The following CHD9 variants were observed in gnomAD, a reference collection of about 807,000 sequenced individuals.
CHD9 encodes the protein chromodomain helicase DNA binding protein 9.
CHD9 carries 77 observed loss-of-function variants against 316.1 expected under a neutral mutation model. The observed-to-expected ratio is 0.24, with a 90% confidence interval of 0.20 to 0.29. The LOEUF is 0.29. Among genes scored for constraint, CHD9 ranks in the 10% least tolerant of loss-of-function variants. CHD9 has a pLI of 1.00. For missense variants in CHD9, 2,763 were observed against 3,438.1 expected (o/e 0.80, Z 4.91); for synonymous variants, 1,129 against 1,158.3 (o/e 0.97, Z 0.51).
chr16:53,117,280 T>A (rs752938635), intron 1 of CHD9, among the ~76,000 whole-genome samples: 1 of 152,126 alleles, frequency 6.6e-6, no homozygotes, highest in Non-Finnish European at 1.5e-5. Flanking sequence ...TATGACACCA[T>A]GATAAACAAT....
At position 53,228,995 on chromosome 16, in the gene CHD9, C is replaced by T. The variant is rs551126446; in HGVS notation, c.2181C>T (p.His727=). The T allele has an allele frequency of 4.5e-6, 7 of 1,553,618 alleles. No homozygotes were observed. The African/African-American group carries it at 6.8e-5, about 15-fold the overall frequency. The part of the protein sequence containing the change: ...FVKYKNYSYL[H]CEWATEEQLL... ...ATAAAAATTTTAGCTCCTATCTTCACTGTGAGTGGGCCACAGAAGAGCAGC... is the reference window on the plus strand; with the variant it reads ...ATAAAAATTTTAGCTCCTATCTTCATTGTGAGTGGGCCACAGAAGAGCAGC... The change falls in exon 8 of 39, where the codon CAC becomes CAT. Residue 727 remains histidine (H), a synonymous_variant. Coordinates refer to ENST00000447540, the MANE Select transcript of CHD9 (RefSeq NM_001308319.2).
At chr16:53,127,121 A>AT (rs1567348637) in intron 1 of CHD9, among the ~76,000 whole-genome samples, 1 of 151,564 alleles carries the variant, frequency 6.6e-6, no homozygotes, top group Non-Finnish European at 1.5e-5. Flanking sequence ...TGCCCAGCGA[A>AT]TTTTTCTCTT....
rs1042062826 is a variant in CHD9, at chr16:53,323,969, CTTTAT to C, written c.7819-42_7819-38del. Reference sequence around the variant, plus strand: ...TTATTTGTATGATAAGCTAATAACTCTTTATTTTATTTTCATGTAGGGATTATTAA... The same window carrying C: ...TTATTTGTATGATAAGCTAATAACTCTTTATTTTCATGTAGGGATTATTAA... On this transcript the variant is annotated intron_variant, in intron 38 of 38. Transcript: ENST00000447540. The C allele has an allele frequency of 6.0e-5, 86 of 1,440,620 alleles. 1 individual carries two copies. The Admixed American group carries it at 1.3e-3, about 21-fold the overall frequency. 89.2% of individuals were successfully genotyped at this position (1,440,620 alleles called of 1,614,324 possible). A position where few individuals can be genotyped will look rare whatever the true frequency, so the allele number is the denominator to read the frequency against.
intron 1 of CHD9, among the ~76,000 whole-genome samples, chr16:53,060,947 A>G (rs1204397636): frequency 5.3e-5 from 6 of 113,094 alleles, no homozygotes; most frequent in Non-Finnish European, 8.7e-5. Context: ...TTTTTTTGAG[A>G]CGGAGTTTCA....
At chr16:53,079,595 G>A (rs1311867234) in intron 1 of CHD9, among the ~76,000 whole-genome samples, 1 of 152,078 alleles carries the variant, frequency 6.6e-6, no homozygotes, top group East Asian at 1.9e-4. Flanking sequence ...TTATGTTAGT[G>A]GGGTGTCTTT....
intron 29 of CHD9, among the ~76,000 whole-genome samples, chr16:53,294,657 C>A (rs1274084095): frequency 6.6e-6 from 1 of 152,060 alleles, no homozygotes; most frequent in Non-Finnish European, 1.5e-5. Flanking sequence ...TTTCTTATGA[C>A]CCAGTCTCAG....
chr16:53,202,118 T>G (rs1463889681), intron 2 of CHD9, among the ~76,000 whole-genome samples: 5 of 152,148 alleles, frequency 3.3e-5, no homozygotes, highest in Non-Finnish European at 7.4e-5. Flanking sequence ...TGCCTTGGCC[T>G]CCCAAAGTTC....
chr16:53,247,029 A>G (rs1238977113), intron 15 of CHD9, among the ~76,000 whole-genome samples: 1 of 152,248 alleles, frequency 6.6e-6, no homozygotes, highest in Non-Finnish European at 1.5e-5. Flanking sequence ...TTTGGCAAAC[A>G]TAAATTTATA....
At chr16:53,268,626 T>C (rs1378004126) in intron 22 of CHD9, among the ~76,000 whole-genome samples, 2 of 152,132 alleles carry the variant, frequency 1.3e-5, no homozygotes, top group Non-Finnish European at 2.9e-5. Flanking sequence ...GAACCTAAAA[T>C]GTGGTCTCTG....
intron 24 of CHD9, among the ~76,000 whole-genome samples, chr16:53,284,916 C>T (rs1208754953): frequency 6.6e-6 from 1 of 152,100 alleles, no homozygotes; most frequent in Admixed American, 6.5e-5. Context: ...CAGGTGTGCA[C>T]CACCACGCCC....
At chr16:53,220,258 A>C (rs1014517143) in intron 3 of CHD9, among the ~76,000 whole-genome samples, 1 of 152,200 alleles carries the variant, frequency 6.6e-6, no homozygotes, top group Non-Finnish European at 1.5e-5. Flanking sequence ...TATTCAGAAC[A>C]GTGGCGGGTG....
intron 24 of CHD9, among the ~76,000 whole-genome samples, chr16:53,278,556 T>A (rs2053094540): frequency 6.6e-6 from 1 of 152,192 alleles, no homozygotes; most frequent in Non-Finnish European, 1.5e-5. Context: ...AAGCCACATG[T>A]AGGCGAATGA....
chr16:53,199,646 A>T (rs1384693246), intron 2 of CHD9, among the ~76,000 whole-genome samples: 1 of 151,888 alleles, frequency 6.6e-6, no homozygotes, highest in Non-Finnish European at 1.5e-5. Flanking sequence ...CTGTTCTTTC[A>T]CCCTGTATGT....
At chr16:53,075,457 C>A (rs1328318945) in intron 1 of CHD9, among the ~76,000 whole-genome samples, 4 of 152,070 alleles carry the variant, frequency 2.6e-5, no homozygotes, top group Non-Finnish European at 5.9e-5. Context: ...TGGCTCTGTA[C>A]CCCCACCCGA....
chr16:53,271,964 CAAAG>C (rs1197456322), intron 22 of CHD9, among the ~76,000 whole-genome samples: 1 of 151,718 alleles, frequency 6.6e-6, no homozygotes, highest in Non-Finnish European at 1.5e-5. Flanking sequence ...TCCAGCAAAA[CAAAG>C]AAAGAAGGAA....
At chr16:53,230,341 T>C (rs1036248458) in intron 8 of CHD9, among the ~76,000 whole-genome samples, 1 of 152,170 alleles carries the variant, frequency 6.6e-6, no homozygotes, top group Non-Finnish European at 1.5e-5. Context: ...AAATGTGGGC[T>C]GGGTATGGTG....
rs569942556 is a variant in CHD9 at position 53,144,866 on chromosome 16, C to A, written c.-164-11060C>A. Among the ~76,000 whole-genome samples the A allele has an allele frequency of 1.5e-3, 230 of 151,768 alleles. 2 individuals carry two copies. The highest frequency in any genetic ancestry group is 5.3e-3 in the African/African-American group (218 of 41,434). ...AATCAGCCAGGCATGGTGGCACATG[C>A]TTTTAGTCTCAGCTACTCAGGAGGC... is the stretch of plus-strand genomic sequence containing the variant. On this transcript the variant is annotated intron_variant, in intron 1 of 38. Coordinates refer to ENST00000447540, the MANE Select transcript of CHD9 (RefSeq NM_001308319.2).
At chr16:53,301,058 G>A (rs139041271) in intron 30 of CHD9, among the ~76,000 whole-genome samples, 3,281 of 152,074 alleles carry the variant, frequency 0.022, 136 homozygotes, top group African/African-American at 0.074. Flanking sequence ...GGGCAACAGA[G>A]CAAGCCTCTG....
intron 1 of CHD9, among the ~76,000 whole-genome samples, chr16:53,097,233 T>C (rs769690226): frequency 5.9e-5 from 9 of 152,226 alleles, no homozygotes; most frequent in Non-Finnish European, 4.4e-5. Context: ...AATTTATAAT[T>C]GGTTATAATT....
Sources: gnomAD v4.1 joint callset for allele counts (sites outside exome capture counted in the v4.1 genomes callset) on GRCh38, gnomAD v4.1.1 for gene constraint, MANE v1.5 for transcripts, NCBI Gene and HGNC (gene_info 2026-07-23, HGNC 2026-07-21) for gene names.